Variants in CLIP1 observed in about 807,000 individuals in gnomAD.
CLIP1 encodes CAP-Gly domain containing linker protein 1.
Under a neutral mutation model 161.6 loss-of-function variants are expected in CLIP1, and 66 were observed. The observed-to-expected ratio is 0.41, with a 90% CI of 0.33 to 0.50. CLIP1 has a LOEUF of 0.50. Among genes scored for constraint, CLIP1 ranks in the 20% least tolerant of loss-of-function variants. The probability of loss-of-function intolerance (pLI) is 0.27; values close to 1 mark genes in which losing one functional copy is unlikely to be tolerated. For missense variants in CLIP1, 1,376 were observed against 1,702.0 expected (o/e 0.81, Z 3.37); for synonymous variants, 598 against 626.2 (o/e 0.96, Z 0.67).
intron 15 of CLIP1, among the ~76,000 whole-genome samples, chr12:122,330,905 A>G (rs1432376651): frequency 6.6e-6 from 1 of 151,464 alleles, no homozygotes; most frequent in African/African-American, 2.4e-5. Context: ...CCGGCCTACA[A>G]TGTAGTTATT....
At chr12:122,330,597 G>GTTTTTTTTTGTTTGTTTTTTTT (rs1951901515) in intron 15 of CLIP1, among the ~76,000 whole-genome samples, 2 of 101,404 alleles carry the variant, frequency 2.0e-5, no homozygotes, top group African/African-American at 8.8e-5. Context: ...GTATAATGCA[G>GTTTTTTTTTGTTTGTTTTTTTT]TTTTTTTTTT....
chr12:122,333,430 A>T (rs1034418620), intron 14 of CLIP1, among the ~76,000 whole-genome samples: 8 of 152,198 alleles, frequency 5.3e-5, no homozygotes, highest in Non-Finnish European at 8.8e-5. Flanking sequence ...GGAAAACCTG[A>T]AGGAAGTGAG....
At chr12:122,282,519 G>A (rs577207188) in intron 21 of CLIP1, among the ~76,000 whole-genome samples, 1 of 152,238 alleles carries the variant, frequency 6.6e-6, no homozygotes, top group African/African-American at 2.4e-5. Flanking sequence ...ACCTTAAAGT[G>A]TTACTGGGCA....
At chr12:122,288,088 A>G (rs1018052939) in intron 21 of CLIP1, among the ~76,000 whole-genome samples, 2 of 151,308 alleles carry the variant, frequency 1.3e-5, no homozygotes, top group African/African-American at 4.9e-5. Context: ...GCTGGAGTGC[A>G]GTGGCGCGAT....
rs1359427365 is a variant in CLIP1, at chr12:122,311,161, C to T, written c.3474-1279G>A. On this transcript the variant is annotated intron_variant, in intron 19 of 25. Coordinates refer to ENST00000620786, the MANE Select transcript of CLIP1 (RefSeq NM_001247997.2). The surrounding 1 kb of genome is among the most constrained non-coding windows in gnomAD (Gnocchi z 4.3). Reference sequence around the variant, plus strand: ...ATATCACAGTGAAAGTTCATCTGTCCAAAGTCCATCAATCTTTGACAAATC... The same window carrying T: ...ATATCACAGTGAAAGTTCATCTGTCTAAAGTCCATCAATCTTTGACAAATC... Among the ~76,000 whole-genome samples, 2 of 151,934 alleles carry T rather than the reference C, an allele frequency of 1.3e-5. No homozygotes were observed. The highest frequency in any genetic ancestry group is 2.9e-5 in the Non-Finnish European group (2 of 67,982).
intron 19 of CLIP1, among the ~76,000 whole-genome samples, chr12:122,316,519 C>G (rs993009730): frequency 1.3e-5 from 2 of 152,078 alleles, no homozygotes; most frequent in African/African-American, 4.8e-5. Context: ...AAAGTCACAT[C>G]TGAATCCCCA....
At chr12:122,276,696 ATGAC>A (rs1163132362) in intron 24 of CLIP1, 4 of 315,244 alleles carry the variant, frequency 1.3e-5, no homozygotes, top group African/African-American at 8.7e-5. Context: ...AATTTTGAAC[ATGAC>A]TAATACATAC....
At chr12:122,354,110 GGCT>G (rs1289700170) in intron 7 of CLIP1, among the ~76,000 whole-genome samples, 7 of 151,882 alleles carry the variant, frequency 4.6e-5, no homozygotes, top group African/African-American at 1.7e-4. Flanking sequence ...AAAATGAAAA[GGCT>G]GCTGGGCGCG....
At chr12:122,295,729 T>C (rs1442514837) in intron 20 of CLIP1, among the ~76,000 whole-genome samples, 1 of 152,248 alleles carries the variant, frequency 6.6e-6, no homozygotes, top group Non-Finnish European at 1.5e-5. Flanking sequence ...GCTATAATTG[T>C]TGAATTTTCA....
chr12:122,344,345 T>G (rs1952647407), intron 10 of CLIP1, among the ~76,000 whole-genome samples: 1 of 152,168 alleles, frequency 6.6e-6, no homozygotes, highest in African/African-American at 2.4e-5. Context: ...ACACATGATT[T>G]TCTGGGGAAG....
At chr12:122,373,832 G>A (rs1030772675) in intron 3 of CLIP1, among the ~76,000 whole-genome samples, 11 of 152,076 alleles carry the variant, frequency 7.2e-5, no homozygotes, top group African/African-American at 7.2e-5. Flanking sequence ...TTATGAAAAT[G>A]GCTTATATGT....
At chr12:122,410,163 T>C (rs1036005465) in intron 1 of CLIP1, among the ~76,000 whole-genome samples, 9 of 151,418 alleles carry the variant, frequency 5.9e-5, no homozygotes, top group Non-Finnish European at 1.3e-4. Context: ...TGAGTCACCA[T>C]GCCTAGCCTC....
At chr12:122,301,888 G>A (rs1441964511) in intron 20 of CLIP1, among the ~76,000 whole-genome samples, 1 of 152,126 alleles carries the variant, frequency 6.6e-6, no homozygotes, top group East Asian at 1.9e-4. Flanking sequence ...CAGCTTCTAA[G>A]TCCTTTCATG....
At chr12:122,349,185 G>A (rs1228875951) in intron 9 of CLIP1, among the ~76,000 whole-genome samples, 1 of 152,156 alleles carries the variant, frequency 6.6e-6, no homozygotes, top group Non-Finnish European at 1.5e-5. Flanking sequence ...ACAGCCTCAG[G>A]AGCTGAAATC....
chr12:122,365,362 C>T, intron 3 of CLIP1: 1 of 965,304 alleles, frequency 1.0e-6, no homozygotes, highest in Non-Finnish European at 1.7e-6. Context: ...TGTTACCCAG[C>T]ATGCTGTTGG....
rs1389496662 is a variant in CLIP1 at position 122,305,982 on chromosome 12, C to T, written c.3594+3780G>A. Among the ~76,000 whole-genome samples, 4 of 150,916 alleles carry T rather than the reference C, an allele frequency of 2.7e-5. No homozygotes were observed. In the East Asian group the frequency reaches 7.8e-4, roughly 30 times the overall value. On this transcript the variant is annotated intron_variant, in intron 20 of 25. Coordinates refer to ENST00000620786, the MANE Select transcript of CLIP1 (RefSeq NM_001247997.2). ...GCTAGGAAGGCTGAGGCATGAGAAT[C>T]ACTTAAGCCCAGGAGGCCAAGTGAT...
chr12:122,332,898 C>T (rs1952046365), intron 15 of CLIP1, 89 bp downstream of exon 15: 1 of 1,040,428 alleles, frequency 9.6e-7, no homozygotes, highest in Admixed American at 2.6e-5. Context: ...TAAAACGTAA[C>T]AATCCTAAAC....
At chr12:122,348,276 T>C (rs1952843348) in intron 9 of CLIP1, among the ~76,000 whole-genome samples, 1 of 152,112 alleles carries the variant, frequency 6.6e-6, no homozygotes, top group Non-Finnish European at 1.5e-5. Flanking sequence ...AAAGAGAAAA[T>C]TTAGTAATAA....
chr12:122,353,570 C>T (rs1432101114), intron 7 of CLIP1, among the ~76,000 whole-genome samples: 2 of 152,144 alleles, frequency 1.3e-5, no homozygotes, highest in African/African-American at 2.4e-5. Flanking sequence ...GCCATGATCA[C>T]ACCAGTGCAC....
Sources: allele counts gnomAD v4.1 joint callset (sites outside exome capture counted in the v4.1 genomes callset), GRCh38; gene constraint gnomAD v4.1.1; non-coding constraint Gnocchi (gnomAD v3.1); transcripts MANE v1.5; gene names NCBI Gene and HGNC (gene_info 2026-07-23, HGNC 2026-07-21).